The following PPP3CB variants were observed in gnomAD, a reference collection of about 807,000 sequenced individuals.
PPP3CB encodes serine/threonine-protein phosphatase 2B catalytic subunit beta isoform.
A neutral mutation model predicts 66.4 loss-of-function variants in PPP3CB; 8 were observed. The observed-to-expected ratio is 0.12, with a 90% confidence interval of 0.07 to 0.22. The LOEUF is 0.22. Among genes scored for constraint, PPP3CB ranks in the 10% least tolerant of loss-of-function variants. The probability of loss-of-function intolerance (pLI) is 1.00; values close to 1 mark genes in which losing one functional copy is unlikely to be tolerated. For missense variants in PPP3CB, 319 were observed against 642.5 expected (o/e 0.50, Z 5.44); for synonymous variants, 208 against 221.2 (o/e 0.94, Z 0.53).
chr10:73,456,170 G>C (rs1348668515), intron 9 of PPP3CB, among the ~76,000 whole-genome samples: 1 of 152,036 alleles, frequency 6.6e-6, no homozygotes, highest in Admixed American at 6.6e-5. Context: ...ACTTTTTCCT[G>C]CTAATAAATA....
Position 73,445,963 on chromosome 10 carries a change from G to A in PPP3CB, c.1268+529C>T, listed in dbSNP as rs557523850. ...AGGGTTTCACCATGTTGGCCAGGATGGTCTCAATCTCTTGACCTCGTGATC... is the reference window on the plus strand; with the variant it reads ...AGGGTTTCACCATGTTGGCCAGGATAGTCTCAATCTCTTGACCTCGTGATC... On this transcript the variant is annotated intron_variant, in intron 11 of 13. Coordinates refer to ENST00000360663, the MANE Select transcript of PPP3CB (RefSeq NM_021132.4). Among the ~76,000 whole-genome samples the A allele has an allele frequency of 2.0e-3, 295 of 150,504 alleles. 2 individuals carry two copies. The highest frequency in any genetic ancestry group is 7.0e-3 in the African/African-American group (288 of 41,026).
chr10:73,487,622 G>A (rs1335204228), intron 1 of PPP3CB, among the ~76,000 whole-genome samples: 4 of 136,772 alleles, frequency 2.9e-5, no homozygotes, highest in African/African-American at 1.1e-4. Context: ...AATGTTTACA[G>A]AATTAATGAT....
chr10:73,474,272 C>T (rs1384306942), intron 4 of PPP3CB, among the ~76,000 whole-genome samples: 1 of 151,940 alleles, frequency 6.6e-6, no homozygotes, highest in Non-Finnish European at 1.5e-5. Context: ...AACTCCTGAC[C>T]TCAGGTGATC....
At chr10:73,444,547 C>A in intron 12 of PPP3CB, 178 bp downstream of exon 12, 1 of 1,533,254 alleles carries the variant, frequency 6.5e-7, no homozygotes, top group South Asian at 1.2e-5. Context: ...TATCAGTTTT[C>A]TGCCCTGATC....
chr10:73,439,547 T>C (rs2056114090), intron 13 of PPP3CB, among the ~76,000 whole-genome samples: 1 of 152,104 alleles, frequency 6.6e-6, no homozygotes, highest in Non-Finnish European at 1.5e-5. Flanking sequence ...CAGGTCAGTT[T>C]GGCAATTTCC....
intron 9 of PPP3CB, among the ~76,000 whole-genome samples, chr10:73,460,958 G>A (rs1261970188): frequency 6.6e-6 from 1 of 152,226 alleles, no homozygotes; most frequent in African/African-American, 2.4e-5. Context: ...GAAAATGCAG[G>A]GCTGGAGGCC....
Position 73,474,899 on chromosome 10 carries a change from TTTC to T in PPP3CB, c.523+17_523+19del. 2 of 1,611,396 alleles carry T rather than the reference TTTC, an allele frequency of 1.2e-6. No individual in the cohort carries two copies. The highest frequency in any genetic ancestry group is 1.7e-6 in the Non-Finnish European group (2 of 1,179,264). ...AAAGAATACTGAGGAAGTGAAAACATTTCTTCTGGCAGTACTCACATTCCTGCT... is the reference window on the plus strand; with the variant it reads ...AAAGAATACTGAGGAAGTGAAAACATTTCTGGCAGTACTCACATTCCTGCT... On this transcript the variant is annotated intron_variant, in intron 4 of 13. Coordinates refer to ENST00000360663, the MANE Select transcript of PPP3CB (RefSeq NM_021132.4).
At chr10:73,474,168 G>C (rs2132944736) in intron 4 of PPP3CB, among the ~76,000 whole-genome samples, 1 of 152,040 alleles carries the variant, frequency 6.6e-6, no homozygotes, top group South Asian at 2.1e-4. Flanking sequence ...TCAGCCTCCT[G>C]AGTACCTGGG....
chr10:73,442,955 G>C (rs2056172572), intron 12 of PPP3CB, among the ~76,000 whole-genome samples: 1 of 151,746 alleles, frequency 6.6e-6, no homozygotes, highest in Non-Finnish European at 1.5e-5. Context: ...CACTTTGGGA[G>C]GCTGAGGTCA....
intron 1 of PPP3CB, among the ~76,000 whole-genome samples, chr10:73,484,316 C>A (rs934992217): frequency 6.6e-6 from 1 of 151,940 alleles, no homozygotes; most frequent in Non-Finnish European, 1.5e-5. Context: ...GTTGCCCAGG[C>A]TGGAGTGCAG....
chr10:73,480,877 T>G (rs1330480277), intron 1 of PPP3CB, among the ~76,000 whole-genome samples: 3 of 152,192 alleles, frequency 2.0e-5, no homozygotes, highest in Non-Finnish European at 4.4e-5. Flanking sequence ...ATTTGTTGAG[T>G]GGAATGGAAA....
At position 73,490,054 on chromosome 10, in the gene PPP3CB, G is replaced by C. The variant is rs569800409; in HGVS notation, c.85+5751C>G. 5.3e-5 allele frequency among the ~76,000 whole-genome samples: 8 copies of C among 152,282 alleles called. No homozygotes were observed. In the South Asian group the frequency reaches 1.0e-3, roughly 20 times the overall value. ...CCACTAGAATGCCGGCACTACAAGAGAATCTATCTTACTTAATATCCTATT... is the reference window on the plus strand; with the variant it reads ...CCACTAGAATGCCGGCACTACAAGACAATCTATCTTACTTAATATCCTATT... On this transcript the variant is annotated intron_variant, in intron 1 of 13. Coordinates refer to ENST00000360663, the MANE Select transcript of PPP3CB (RefSeq NM_021132.4).
At chr10:73,446,303 T>C (rs935575634) in intron 11 of PPP3CB, among the ~76,000 whole-genome samples, 189 bp downstream of exon 11, 1 of 152,018 alleles carries the variant, frequency 6.6e-6, no homozygotes, top group Admixed American at 6.6e-5. Context: ...ATTCACTATG[T>C]TGGCCAGGCT....
At chr10:73,466,091 T>C (rs1440393594) in intron 9 of PPP3CB, among the ~76,000 whole-genome samples, 1 of 152,196 alleles carries the variant, frequency 6.6e-6, no homozygotes, top group Non-Finnish European at 1.5e-5. Context: ...CTGTTCTCCA[T>C]CTTCACTTGT....
chr10:73,485,488 G>A (rs2133011351), intron 1 of PPP3CB, among the ~76,000 whole-genome samples: 1 of 152,256 alleles, frequency 6.6e-6, no homozygotes, highest in East Asian at 1.9e-4. Flanking sequence ...TCTGTGCCAA[G>A]TGAATAACTT....
At chr10:73,439,812 T>G (rs2056117621) in intron 13 of PPP3CB, 60 bp downstream of exon 13, 1 of 1,558,482 alleles carries the variant, frequency 6.4e-7, no homozygotes, top group African/African-American at 1.4e-5. Context: ...CCACAGGACA[T>G]TCTCTGATGC....
At chr10:73,458,489 A>G (rs1446226979) in intron 9 of PPP3CB, among the ~76,000 whole-genome samples, 1 of 152,068 alleles carries the variant, frequency 6.6e-6, no homozygotes, top group African/African-American at 2.4e-5. Flanking sequence ...ATTATAAAAT[A>G]AGCAAAGGAT....
chr10:73,461,132 G>A (rs1466852915), intron 9 of PPP3CB, among the ~76,000 whole-genome samples: 1 of 152,260 alleles, frequency 6.6e-6, no homozygotes, highest in Admixed American at 6.5e-5. Context: ...GTAGGACATG[G>A]AGTCAATGAT....
At chr10:73,455,341 A>T (rs1352371291) in intron 9 of PPP3CB, among the ~76,000 whole-genome samples, 1 of 152,144 alleles carries the variant, frequency 6.6e-6, no homozygotes, top group African/African-American at 2.4e-5. Flanking sequence ...GGTTCCCAAG[A>T]TTCTGCTCTT....
Sources: allele counts gnomAD v4.1 joint callset (sites outside exome capture counted in the v4.1 genomes callset), GRCh38; gene constraint gnomAD v4.1.1; transcripts MANE v1.5; gene names NCBI Gene and HGNC (gene_info 2026-07-23, HGNC 2026-07-21).